The following PPFIA1 variants were observed in gnomAD, a reference collection of about 807,000 sequenced individuals.
PPFIA1 encodes PPFI scaffold protein A1.
Under a neutral mutation model 149.9 loss-of-function variants are expected in PPFIA1, and 25 were observed. The ratio of observed to expected loss-of-function variants is 0.17; its 90% confidence interval spans 0.12 to 0.23. The LOEUF is 0.23. Among genes scored for constraint, PPFIA1 ranks in the 10% least tolerant of loss-of-function variants. The pLI, the probability that PPFIA1 is intolerant of heterozygous loss-of-function variation, is 1.00. For synonymous variants in PPFIA1, 549 were observed against 552.8 expected (o/e 0.99, Z 0.10); for missense variants, 1,362 against 1,506.5 (o/e 0.90, Z 1.59).
chr11:70,322,351 AT>A (rs536349075), intron 2 of PPFIA1, among the ~76,000 whole-genome samples: 146 of 152,306 alleles, frequency 9.6e-4, no homozygotes, highest in African/African-American at 3.4e-3. Context: ...GTAAATCGGT[AT>A]TTGATATGAT....
chr11:70,286,440 G>A (rs1264313240), intron 2 of PPFIA1, among the ~76,000 whole-genome samples: 2 of 152,048 alleles, frequency 1.3e-5, no homozygotes, highest in African/African-American at 2.4e-5. Context: ...TTGTAGAGAC[G>A]GGGTTTCACC....
intron 8 of PPFIA1, among the ~76,000 whole-genome samples, chr11:70,331,194 C>T (rs2054635472): frequency 6.6e-6 from 1 of 150,888 alleles, no homozygotes; most frequent in South Asian, 2.1e-4. Context: ...GAGATTGTGC[C>T]ACTGCACTCC....
rs150785139 is a variant in PPFIA1, at chr11:70,277,652, G to A, written c.264+5216G>A. 8.6e-5 allele frequency among the ~76,000 whole-genome samples: 13 copies of A among 151,944 alleles called. No individual in the cohort carries two copies. In the East Asian group the frequency reaches 1.9e-3, roughly 23 times the overall value. On this transcript the variant is annotated intron_variant, in intron 2 of 27. Coordinates refer to ENST00000253925, the MANE Select transcript of PPFIA1 (RefSeq NM_003626.5). Reference sequence around the variant, plus strand: ...ACTATAGGCATATGCCACCACATCCGGCTAATTGTTGTATTTTTAGTAGAG... The same window carrying A: ...ACTATAGGCATATGCCACCACATCCAGCTAATTGTTGTATTTTTAGTAGAG...
chr11:70,281,969 G>T (rs1371014307), intron 2 of PPFIA1, among the ~76,000 whole-genome samples: 1 of 151,980 alleles, frequency 6.6e-6, no homozygotes, highest in Non-Finnish European at 1.5e-5. Flanking sequence ...GGAGACATTG[G>T]TTATCATTAC....
At chr11:70,295,242 C>G (rs1442964022) in intron 2 of PPFIA1, among the ~76,000 whole-genome samples, 3 of 141,496 alleles carry the variant, frequency 2.1e-5, no homozygotes, top group African/African-American at 8.2e-5. Flanking sequence ...GCTGACCCCC[C>G]CACCTCCCTC....
At chr11:70,319,080 C>T (rs1240924380) in intron 2 of PPFIA1, among the ~76,000 whole-genome samples, 1 of 152,264 alleles carries the variant, frequency 6.6e-6, no homozygotes, top group African/African-American at 2.4e-5. Context: ...CAAACCCAAA[C>T]TTTTACACCT....
chr11:70,315,678 G>GTTTTTTTTTTTTTTTTTTTTTTTTT (rs71049904), intron 2 of PPFIA1, among the ~76,000 whole-genome samples: 1 of 73,014 alleles, frequency 1.4e-5, no homozygotes, highest in Non-Finnish European at 2.5e-5. Context: ...CTTTTTTTCT[G>GTTTTTTTTTTTTTTTTTTTTTTTTT]TTTTTTTTTT....
intron 2 of PPFIA1, among the ~76,000 whole-genome samples, chr11:70,296,907 GCTGCTCA>G (rs1591102273): frequency 6.6e-6 from 1 of 152,138 alleles, no homozygotes; most frequent in Non-Finnish European, 1.5e-5. Flanking sequence ...TTAGCTCTCC[GCTGCTCA>G]CTGTGAGACG....
chr11:70,367,856 C>A (rs1302996892), intron 21 of PPFIA1, among the ~76,000 whole-genome samples: 1 of 152,186 alleles, frequency 6.6e-6, no homozygotes, highest in East Asian at 1.9e-4. Flanking sequence ...CAGGCCTAGG[C>A]CAGGTGTAGT....
chr11:70,297,274 T>C (rs531731701), intron 2 of PPFIA1, among the ~76,000 whole-genome samples: 43 of 152,144 alleles, frequency 2.8e-4, no homozygotes, highest in African/African-American at 1.0e-3. Flanking sequence ...TTGGGCGTGG[T>C]GGTGCGTGCT....
chr11:70,377,972 T>C, intron 25 of PPFIA1, 58 bp from the exon 26 acceptor site: 1 of 1,363,820 alleles, frequency 7.3e-7, no homozygotes, highest in East Asian at 2.3e-5. Context: ...CATGTAACTT[T>C]ACATCTCTGA....
chr11:70,286,754 C>CTTTTTTTTT (rs957912008), intron 2 of PPFIA1, among the ~76,000 whole-genome samples: 17 of 123,972 alleles, frequency 1.4e-4, no homozygotes, highest in African/African-American at 2.7e-4. Context: ...TTCTTTCTTT[C>CTTTTTTTTT]TTTTTTTTTT....
At chr11:70,347,158 T>C (rs2055753814) in intron 15 of PPFIA1, among the ~76,000 whole-genome samples, 1 of 152,224 alleles carries the variant, frequency 6.6e-6, no homozygotes, top group African/African-American at 2.4e-5. Context: ...ATATTAGAGT[T>C]CCTGATTTCC....
chr11:70,367,488 A>T (rs1352282518), intron 21 of PPFIA1: 4 of 455,798 alleles, frequency 8.8e-6, no homozygotes, highest in Non-Finnish European at 1.8e-5. Context: ...AGTTCATAAG[A>T]CTGGGTTGTA....
At position 70,330,032 on chromosome 11, in the gene PPFIA1, C is replaced by G. The variant is rs2054559692; in HGVS notation, c.931-141C>G. 8 of 692,420 alleles carry G rather than the reference C, an allele frequency of 1.2e-5. No individual in the cohort carries two copies. The East Asian group carries it at 2.4e-4, about 21-fold the overall frequency. 42.9% of individuals were successfully genotyped at this position (692,420 alleles called of 1,614,324 possible). The stretch of plus-strand genomic sequence containing the variant: ...AAAGTGCTGTGATTATAGGAGTGAG[C>G]TGCTGTATCTGGCCTGAGGATGCTA... On this transcript the variant is annotated intron_variant, in intron 7 of 27. Transcript: ENST00000253925.
chr11:70,335,667 A>G lies in PPFIA1; in HGVS notation c.1401A>G (p.Lys467=). Reference sequence around the variant, plus strand: ...ATGAGAGGCTTCAACTTCATCTTAAAGAGAGAATGGCTGCTTTGGAAGATA... The same window carrying G: ...ATGAGAGGCTTCAACTTCATCTTAAGGAGAGAATGGCTGCTTTGGAAGATA... ...ESNERLQLHL[K]ERMAALEDKN... The change falls in exon 11 of 28, where the codon AAA becomes AAG. Residue 467 remains lysine, a synonymous_variant. Transcript: ENST00000253925. 1 of 1,614,062 alleles carries G rather than the reference A, an allele frequency of 6.2e-7. No homozygotes were observed. The highest frequency in any genetic ancestry group is 8.5e-7 in the Non-Finnish European group (1 of 1,179,982).
chr11:70,363,254 C>T (rs2056753776), intron 21 of PPFIA1: 1 of 152,272 alleles, frequency 6.6e-6, no homozygotes, highest in Admixed American at 6.5e-5. Context: ...CCTGCTCCTT[C>T]TGAGGCACTG....
intron 7 of PPFIA1, among the ~76,000 whole-genome samples, chr11:70,329,722 A>G (rs1276483484): frequency 6.6e-6 from 1 of 152,164 alleles, no homozygotes; most frequent in East Asian, 1.9e-4. Flanking sequence ...AGCCCAGGAA[A>G]CTCAAGACCA....
chr11:70,375,477 AC>A (rs1276669284), intron 24 of PPFIA1: 1 of 155,104 alleles, frequency 6.4e-6, no homozygotes, highest in East Asian at 1.9e-4. Context: ...AAAACAGGGA[AC>A]TTTTATTCCT....
Sources: allele counts gnomAD v4.1 joint callset (sites outside exome capture counted in the v4.1 genomes callset), GRCh38; gene constraint gnomAD v4.1.1; transcripts MANE v1.5; gene names NCBI Gene and HGNC (gene_info 2026-07-23, HGNC 2026-07-21).